Variants in EXT1 observed in about 807,000 individuals in gnomAD.
The protein encoded by EXT1 is exostosin glycosyltransferase 1.
In EXT1, 20 loss-of-function variants were observed where a neutral mutation model predicts 82.5. The observed-to-expected ratio is 0.24, with a 90% CI of 0.17 to 0.35. EXT1 has a LOEUF of 0.35. EXT1 is among the 10% of genes least tolerant of loss of function. The pLI is 1.00. For synonymous variants in EXT1, 348 were observed against 350.8 expected (o/e 0.99, Z 0.09); for missense variants, 757 against 936.5 (o/e 0.81, Z 2.50).
rs1377667827 is a variant in EXT1, at chr8:117,896,766, G to A, written c.963-59565C>T. ...AGAACAGGTTCTTATCTAGGCTTTAGCACAATATTCCTTCTTCAAAGTCTT... is the reference window on the plus strand; with the variant it reads ...AGAACAGGTTCTTATCTAGGCTTTAACACAATATTCCTTCTTCAAAGTCTT... On this transcript the variant is annotated intron_variant, in intron 1 of 10. Coordinates refer to ENST00000378204, the MANE Select transcript of EXT1 (RefSeq NM_000127.3). 3.3e-5 allele frequency among the ~76,000 whole-genome samples: 5 copies of A among 152,210 alleles called. No individual in the cohort carries two copies. The East Asian group carries it at 9.6e-4, about 29-fold the overall frequency.
chr8:117,925,550 C>T (rs1411318536), intron 1 of EXT1, among the ~76,000 whole-genome samples: 1 of 151,812 alleles, frequency 6.6e-6, no homozygotes, highest in Non-Finnish European at 1.5e-5. Context: ...TTTATGAGAA[C>T]AGATCTGAAG....
chr8:118,063,628 G>C (rs1816924325), intron 1 of EXT1, among the ~76,000 whole-genome samples: 1 of 152,210 alleles, frequency 6.6e-6, no homozygotes, highest in Non-Finnish European at 1.5e-5. Flanking sequence ...TGAGGGGTCT[G>C]TTTAAGCATG....
chr8:117,923,363 G>A (rs912479484), intron 1 of EXT1, among the ~76,000 whole-genome samples: 1 of 151,762 alleles, frequency 6.6e-6, no homozygotes, highest in Non-Finnish European at 1.5e-5. Flanking sequence ...GCAGGGGGAT[G>A]TGGGTGGCTC....
At chr8:118,062,393 C>T (rs954530777) in intron 1 of EXT1, among the ~76,000 whole-genome samples, 2 of 152,080 alleles carry the variant, frequency 1.3e-5, no homozygotes, top group South Asian at 2.1e-4. Flanking sequence ...GTGCACTTCA[C>T]GCTATATACA....
At chr8:117,908,727 C>CT (rs1390261817) in intron 1 of EXT1, among the ~76,000 whole-genome samples, 1 of 152,116 alleles carries the variant, frequency 6.6e-6, no homozygotes, top group Non-Finnish European at 1.5e-5. Flanking sequence ...ATATAGTGGC[C>CT]TAAGGAAATC....
intron 1 of EXT1, among the ~76,000 whole-genome samples, chr8:118,047,250 C>T (rs1379287422): frequency 6.6e-6 from 1 of 152,154 alleles, no homozygotes; most frequent in Non-Finnish European, 1.5e-5. Context: ...CCACTAATTA[C>T]TAATAACGTG....
At chr8:117,963,138 G>A (rs1814736097) in intron 1 of EXT1, among the ~76,000 whole-genome samples, 1 of 152,170 alleles carries the variant, frequency 6.6e-6, no homozygotes, top group South Asian at 2.1e-4. Flanking sequence ...GCTGTATAGG[G>A]GATTGAGGTG....
At chr8:117,930,104 A>C (rs1814023665) in intron 1 of EXT1, among the ~76,000 whole-genome samples, 1 of 123,098 alleles carries the variant, frequency 8.1e-6, no homozygotes, top group Admixed American at 7.6e-5. Context: ...ACTCCATCTC[A>C]AAAAAAAAAA....
chr8:118,010,184 AAC>A (rs1336450855), intron 1 of EXT1, among the ~76,000 whole-genome samples: 1 of 151,870 alleles, frequency 6.6e-6, no homozygotes, highest in Non-Finnish European at 1.5e-5. Flanking sequence ...CATCCTGGCT[AAC>A]ACAGTGAAAC....
At chr8:117,993,731 C>T (rs977716869) in intron 1 of EXT1, among the ~76,000 whole-genome samples, 9 of 152,294 alleles carry the variant, frequency 5.9e-5, no homozygotes, top group Admixed American at 2.0e-4. Flanking sequence ...GAAGGAAACC[C>T]GTACAACTGT....
chr8:117,940,463 C>T (rs1814249495), intron 1 of EXT1, among the ~76,000 whole-genome samples: 1 of 152,158 alleles, frequency 6.6e-6, no homozygotes, highest in Non-Finnish European at 1.5e-5. Context: ...CACTAGGCAT[C>T]AAGGAAGGAT....
At chr8:117,953,759 T>C (rs1814535856) in intron 1 of EXT1, among the ~76,000 whole-genome samples, 1 of 151,828 alleles carries the variant, frequency 6.6e-6, no homozygotes, top group Non-Finnish European at 1.5e-5. Flanking sequence ...TAATAATACA[T>C]ACAATGTATT....
intron 1 of EXT1, among the ~76,000 whole-genome samples, chr8:118,058,234 T>C (rs1816826658): frequency 6.6e-6 from 1 of 152,158 alleles, no homozygotes; most frequent in Non-Finnish European, 1.5e-5. Context: ...GACTTCTGAA[T>C]TAATTTTCTA....
At chr8:118,038,931 TA>T (rs1816475417) in intron 1 of EXT1, among the ~76,000 whole-genome samples, 1 of 152,226 alleles carries the variant, frequency 6.6e-6, no homozygotes. Flanking sequence ...TCATATGGAC[TA>T]TTCATTTCTG....
At chr8:117,980,253 T>G (rs1252775940) in intron 1 of EXT1, among the ~76,000 whole-genome samples, 1 of 152,200 alleles carries the variant, frequency 6.6e-6, no homozygotes, top group Admixed American at 6.5e-5. Context: ...AGAAATGACC[T>G]GAGAGTCATC....
intron 1 of EXT1, among the ~76,000 whole-genome samples, chr8:117,907,818 T>C (rs1586277867): frequency 6.6e-6 from 1 of 152,310 alleles, no homozygotes; most frequent in East Asian, 1.9e-4. Context: ...TCTCACTTTT[T>C]GAAGCGATCT....
chr8:118,076,643 A>G (rs1343382111), intron 1 of EXT1, among the ~76,000 whole-genome samples: 1 of 151,980 alleles, frequency 6.6e-6, no homozygotes, highest in Non-Finnish European at 1.5e-5. Flanking sequence ...AAGTGCTCAC[A>G]CTGTCAGTGC....
chr8:118,100,239 T>C (rs1178490582), intron 1 of EXT1, among the ~76,000 whole-genome samples: 2 of 152,168 alleles, frequency 1.3e-5, no homozygotes, highest in African/African-American at 4.8e-5. Context: ...GGCCCAGGTA[T>C]TGTGGTGGGT....
At chr8:117,857,603 G>A (rs1812588809) in intron 1 of EXT1, among the ~76,000 whole-genome samples, 1 of 151,972 alleles carries the variant, frequency 6.6e-6, no homozygotes, top group Admixed American at 6.5e-5. Flanking sequence ...AGGAAGCTGA[G>A]GCAGGAGGGT....
Sources: gnomAD v4.1 joint callset for allele counts (sites outside exome capture counted in the v4.1 genomes callset) on GRCh38, gnomAD v4.1.1 for gene constraint, MANE v1.5 for transcripts, NCBI Gene and HGNC (gene_info 2026-07-23, HGNC 2026-07-21) for gene names.